Variants in ATG3 observed in about 807,000 individuals in gnomAD.
ATG3 encodes ubiquitin-like-conjugating enzyme ATG3.
ATG3 carries 25 observed loss-of-function variants against 50.7 expected under a neutral mutation model. The observed-to-expected ratio is 0.49, with a 90% confidence interval of 0.36 to 0.69. The LOEUF is 0.69. Among genes scored for constraint, ATG3 ranks in the 30% least tolerant of loss-of-function variants. The pLI, the probability that ATG3 is intolerant of heterozygous loss-of-function variation, is 0.00. For missense variants in ATG3, 281 were observed against 376.0 expected, an observed-to-expected ratio of 0.75 and a Z score of 2.09; for synonymous variants, 119 against 125.5, an observed-to-expected ratio of 0.95 and a Z score of 0.34.
intron 5 of ATG3, 128 bp from the exon 6 acceptor site, chr3:112,544,234 G>C (rs1933312672): frequency 1.4e-6 from 1 of 696,058 alleles, no homozygotes; most frequent in African/African-American, 1.8e-5. Context: ...AATAATAGTA[G>C]TATCTTTACA....
intron 2 of ATG3, among the ~76,000 whole-genome samples, chr3:112,555,110 T>C (rs1933629911): frequency 6.6e-6 from 1 of 152,198 alleles, no homozygotes; most frequent in Non-Finnish European, 1.5e-5. Context: ...TTCATTGTAT[T>C]GCCTTGAGGT....
intron 2 of ATG3, among the ~76,000 whole-genome samples, chr3:112,555,425 A>C (rs1933641692): frequency 6.6e-6 from 1 of 152,202 alleles, no homozygotes; most frequent in African/African-American, 2.4e-5. Context: ...CTCCAACAAG[A>C]ATCAATATTT....
chr3:112,542,777 G>C (rs960948034), intron 6 of ATG3, among the ~76,000 whole-genome samples: 2 of 151,918 alleles, frequency 1.3e-5, no homozygotes, highest in Non-Finnish European at 2.9e-5. Flanking sequence ...TGCTTGGATG[G>C]CAAGTATTCT....
intron 2 of ATG3, 56 bp from the exon 3 acceptor site, chr3:112,553,385 C>T: frequency 6.6e-7 from 1 of 1,522,664 alleles, no homozygotes; most frequent in Non-Finnish European, 9.1e-7. Flanking sequence ...TCAAACATCA[C>T]TGAATGTGCA....
At chr3:112,558,160 A>G in intron 2 of ATG3, 1 of 531,056 alleles carries the variant, frequency 1.9e-6, no homozygotes, top group South Asian at 2.5e-5. Context: ...TTCTAAATAA[A>G]GAGGAACTAC....
At chr3:112,547,055 T>G (rs933354176) in intron 5 of ATG3, among the ~76,000 whole-genome samples, 1 of 152,148 alleles carries the variant, frequency 6.6e-6, no homozygotes, top group Non-Finnish European at 1.5e-5. Flanking sequence ...GAAGGAACTT[T>G]TACCTGGGCA....
chr3:112,561,144 T>C (rs1445510848), intron 1 of ATG3, among the ~76,000 whole-genome samples: 6 of 152,216 alleles, frequency 3.9e-5, no homozygotes, highest in African/African-American at 1.4e-4. Flanking sequence ...TTCCAGTGTT[T>C]GGATTTAACG....
chr3:112,555,564 G>A, intron 2 of ATG3, among the ~76,000 whole-genome samples: 1 of 152,076 alleles, frequency 6.6e-6, no homozygotes, highest in East Asian at 1.9e-4. Flanking sequence ...GATACTAGCT[G>A]CCCCTCTTTT....
At chr3:112,541,747 C>T (rs1397162964) in intron 7 of ATG3, 56 bp downstream of exon 7, 3 of 1,429,156 alleles carry the variant, frequency 2.1e-6, no homozygotes, top group African/African-American at 1.4e-5. Flanking sequence ...ACATAAATTA[C>T]AAATATTCTA....
intron 7 of ATG3, among the ~76,000 whole-genome samples, chr3:112,541,494 G>A (rs1174272624): frequency 6.6e-6 from 1 of 152,170 alleles, no homozygotes. Flanking sequence ...AGCAAACTTT[G>A]TTCTGCTCTG....
rs1477505945 is a variant in ATG3 at position 112,561,470 on chromosome 3, G to A, written c.59C>T (p.Thr20Ile). 1.9e-6 allele frequency: 3 copies of A among 1,613,052 alleles called. No homozygotes were observed. The highest frequency in any genetic ancestry group is 2.5e-6 in the Non-Finnish European group (3 of 1,179,694). Residue 20 changes from threonine to isoleucine, a missense_variant, in exon 1 of 12, where the codon ACC becomes ATC. Transcript: ENST00000283290. ...GKALEVAEYL[T>I]PVLKESKFKE... The stretch of plus-strand genomic sequence containing the variant: ...GGCCTGGCTTACCTTGAGGACCGGG[G>A]TCAGGTACTCAGCCACTTCCAGTGC...
intron 6 of ATG3, among the ~76,000 whole-genome samples, chr3:112,542,926 A>G (rs1576718263): frequency 6.6e-6 from 1 of 152,126 alleles, no homozygotes. Flanking sequence ...CTTCTAAAAC[A>G]GCAAAGCAAT....
At chr3:112,559,960 A>G (rs1276607098) in intron 1 of ATG3, among the ~76,000 whole-genome samples, 1 of 152,236 alleles carries the variant, frequency 6.6e-6, no homozygotes, top group Admixed American at 6.5e-5. Flanking sequence ...GGAAACTGTA[A>G]GGATTCTCTC....
At chr3:112,535,520 T>C (rs1217779067) in intron 10 of ATG3, 1 of 152,052 alleles carries the variant, frequency 6.6e-6, no homozygotes, top group Non-Finnish European at 1.5e-5. Flanking sequence ...AGAGAATAAC[T>C]CTAAAAACTG....
At chr3:112,539,534 C>T (rs1284302023) in intron 7 of ATG3, among the ~76,000 whole-genome samples, 1 of 152,262 alleles carries the variant, frequency 6.6e-6, no homozygotes, top group African/African-American at 2.4e-5. Context: ...AATACTCATT[C>T]CCACCCCAAG....
At chr3:112,540,536 T>G in intron 7 of ATG3, among the ~76,000 whole-genome samples, 1 of 152,180 alleles carries the variant, frequency 6.6e-6, no homozygotes, top group Non-Finnish European at 1.5e-5. Flanking sequence ...GGATGTAATT[T>G]ATACTCTATC....
intron 2 of ATG3, among the ~76,000 whole-genome samples, chr3:112,556,019 G>C (rs1173814174): frequency 6.6e-6 from 1 of 152,176 alleles, no homozygotes; most frequent in East Asian, 1.9e-4. Context: ...AATAAGAACA[G>C]CATACTTTCA....
chr3:112,545,582 T>C (rs1403616749), intron 5 of ATG3, among the ~76,000 whole-genome samples: 1 of 152,232 alleles, frequency 6.6e-6, no homozygotes, highest in African/African-American at 2.4e-5. Context: ...TTCTAGAAAT[T>C]ACTATATAAT....
intron 3 of ATG3, 145 bp downstream of exon 3, chr3:112,553,135 G>A: frequency 1.5e-6 from 1 of 664,902 alleles, no homozygotes; most frequent in Admixed American, 2.7e-5. Context: ...TTATTTTGAA[G>A]GGGCATTGTT....
Sources: gnomAD v4.1 joint callset for allele counts (sites outside exome capture counted in the v4.1 genomes callset) on GRCh38, gnomAD v4.1.1 for gene constraint, MANE v1.5 for transcripts, NCBI Gene and HGNC (gene_info 2026-07-23, HGNC 2026-07-21) for gene names.